The following PPFIA2 variants were observed in gnomAD, a reference collection of about 807,000 sequenced individuals.
PPFIA2 encodes the protein liprin-alpha-2.
In PPFIA2, 46 loss-of-function variants were observed where a neutral mutation model predicts 175.5. That is an observed-to-expected ratio of 0.26 (90% CI 0.21 to 0.34). The LOEUF is 0.34. Ranked by LOEUF, PPFIA2 falls within the 10% of genes least tolerant of loss-of-function variation. The pLI is 1.00. For missense variants in PPFIA2, 1,179 were observed against 1,506.1 expected, an observed-to-expected ratio of 0.78 and a Z score of 3.60; for synonymous variants, 568 against 511.4, an observed-to-expected ratio of 1.11 and a Z score of -1.49.
chr12:81,527,504 C>T (rs1237035267), intron 4 of PPFIA2, among the ~76,000 whole-genome samples: 3 of 152,092 alleles, frequency 2.0e-5, no homozygotes, highest in Admixed American at 2.0e-4. Context: ...CCTCCCCTCC[C>T]CCTACTCAAA....
rs569943861 is a variant in PPFIA2 at position 81,434,150 on chromosome 12, GAGTTAA to G, written c.645+5816_645+5821del. ...CTCAGGCAGAGCAGTAGGGGTGGTG[GAGTTAA>G]AGTAGAATCTGTAGGTTAGGAACAC... On this transcript the variant is annotated intron_variant, in intron 7 of 32. Transcript: ENST00000549396. 9.6e-4 allele frequency among the ~76,000 whole-genome samples: 146 copies of G among 152,090 alleles called. 1 individual carries two copies. Among genetic ancestry groups the G allele is most frequent in the Non-Finnish European group, 1.7e-3 (116 of 67,958 alleles).
At chr12:81,630,088 G>C (rs2063192331) in intron 4 of PPFIA2, among the ~76,000 whole-genome samples, 1 of 152,078 alleles carries the variant, frequency 6.6e-6, no homozygotes, top group East Asian at 1.9e-4. Context: ...AGGAATGCAG[G>C]GAGACTCTTG....
chr12:81,475,453 T>C (rs1256177737), intron 4 of PPFIA2, among the ~76,000 whole-genome samples: 1 of 151,596 alleles, frequency 6.6e-6, no homozygotes, highest in African/African-American at 2.4e-5. Context: ...TTATATAATG[T>C]GTTTTATAAT....
intron 7 of PPFIA2, among the ~76,000 whole-genome samples, chr12:81,436,411 A>T (rs2049046616): frequency 7.2e-6 from 1 of 138,248 alleles, no homozygotes; most frequent in African/African-American, 2.7e-5. Context: ...CTGGTTCCTG[A>T]TTATTCGGCT....
At position 81,754,216 on chromosome 12, in the gene PPFIA2, C is replaced by T; in HGVS notation, c.6G>A (p.Met2Ile). The change falls in exon 3 of 33, where the codon ATG (methionine) becomes ATA (isoleucine). Residue 2 changes from methionine to isoleucine, a missense_variant. Met to Ile is a conservative substitution (Grantham distance 10). Transcript: ENST00000549396. ...CATTAATCGTGGGCATCACTTCACACATCATTGCTTAAAGAAAGTAAGTGG... is the reference window on the plus strand; with the variant it reads ...CATTAATCGTGGGCATCACTTCACATATCATTGCTTAAAGAAAGTAAGTGG... M[M>I]CEVMPTINED... is the part of the protein sequence containing the mutation. 6.3e-7 allele frequency: 1 copy of T among 1,598,168 alleles called. No individual in the cohort carries two copies. The highest frequency in any genetic ancestry group is 2.2e-5 in the East Asian group (1 of 44,500).
chr12:81,650,739 G>A (rs2066907144), intron 4 of PPFIA2, among the ~76,000 whole-genome samples: 1 of 152,170 alleles, frequency 6.6e-6, no homozygotes, highest in Non-Finnish European at 1.5e-5. Context: ...AGAATCAAAA[G>A]AAATATTTGG....
intron 4 of PPFIA2, among the ~76,000 whole-genome samples, chr12:81,625,886 A>T (rs1053073300): frequency 6.7e-6 from 1 of 148,504 alleles, no homozygotes; most frequent in African/African-American, 2.4e-5. Flanking sequence ...TTATTTATAC[A>T]TAAGATATAG....
At chr12:81,577,188 C>T (rs763208661) in intron 4 of PPFIA2, among the ~76,000 whole-genome samples, 4 of 151,656 alleles carry the variant, frequency 2.6e-5, no homozygotes, top group Non-Finnish European at 5.9e-5. Flanking sequence ...AATAATTATC[C>T]CAAATAATGA....
At chr12:81,596,755 G>T (rs1208986682) in intron 4 of PPFIA2, among the ~76,000 whole-genome samples, 1 of 152,108 alleles carries the variant, frequency 6.6e-6, no homozygotes. Context: ...ATTCTGTACA[G>T]CAGCCCCAGG....
intron 4 of PPFIA2, among the ~76,000 whole-genome samples, chr12:81,475,862 C>T (rs1002581473): frequency 3.3e-5 from 5 of 152,118 alleles, no homozygotes; most frequent in African/African-American, 1.2e-4. Context: ...CAGGTGCCCG[C>T]CACCAAGGCC....
chr12:81,650,584 ATTTAGGGAGGTAAAACTAGATTAG>A (rs1181090917), intron 4 of PPFIA2, among the ~76,000 whole-genome samples: 1 of 152,198 alleles, frequency 6.6e-6, no homozygotes, highest in African/African-American at 2.4e-5. Flanking sequence ...TAAATGTATA[ATTTAGGGAGGTAAAACTAGATTAG>A]TTTAGGGAGG....
intron 4 of PPFIA2, among the ~76,000 whole-genome samples, chr12:81,668,854 A>G (rs1446636138): frequency 6.6e-6 from 1 of 152,036 alleles, no homozygotes; most frequent in African/African-American, 2.4e-5. Context: ...TGGAAACCTC[A>G]TTTCACATTT....
chr12:81,583,864 C>T (rs2074788724), intron 4 of PPFIA2, among the ~76,000 whole-genome samples: 1 of 151,834 alleles, frequency 6.6e-6, no homozygotes, highest in African/African-American at 2.4e-5. Context: ...GTTCATGGCC[C>T]ATTGGCCAGC....
At chr12:81,374,380 T>A (rs1422244907) in intron 11 of PPFIA2, among the ~76,000 whole-genome samples, 3 of 152,266 alleles carry the variant, frequency 2.0e-5, no homozygotes, top group Middle Eastern at 6.8e-3. Flanking sequence ...GAAAATTAAC[T>A]ATAACAATGA....
chr12:81,410,597 T>C (rs2043760487), intron 7 of PPFIA2, among the ~76,000 whole-genome samples: 1 of 152,070 alleles, frequency 6.6e-6, no homozygotes, highest in Non-Finnish European at 1.5e-5. Context: ...AAGTGTCTGT[T>C]GACATTTGCT....
rs575087408 is a variant in PPFIA2, at chr12:81,434,475, G to A, written c.645+5497C>T. Among the ~76,000 whole-genome samples the A allele has an allele frequency of 3.5e-4, 54 of 152,118 alleles. 1 individual carries two copies. Among genetic ancestry groups the A allele is most frequent in the African/African-American group, 1.2e-3 (51 of 41,528 alleles). On this transcript the variant is annotated intron_variant, in intron 7 of 32. Coordinates refer to ENST00000549396, the MANE Select transcript of PPFIA2 (RefSeq NM_003625.5). ...AGAATGCATGAAGACCTGAAATATT[G>A]TAATTTTAATACATATGGAAAAAGA...
chr12:81,483,597 T>C (rs930696334), intron 4 of PPFIA2, among the ~76,000 whole-genome samples: 7 of 152,100 alleles, frequency 4.6e-5, no homozygotes, highest in African/African-American at 1.4e-4. Context: ...TAAAGTTAGA[T>C]GGTGGTGAAG....
intron 4 of PPFIA2, among the ~76,000 whole-genome samples, chr12:81,648,549 G>C (rs116875575): frequency 0.011 from 1,708 of 151,604 alleles, 11 homozygotes; most frequent in Non-Finnish European, 0.019. Context: ...TTAAATATGG[G>C]TAAGATATCA....
intron 4 of PPFIA2, among the ~76,000 whole-genome samples, chr12:81,554,468 C>A (rs2068490823): frequency 6.6e-6 from 1 of 151,940 alleles, no homozygotes; most frequent in South Asian, 2.1e-4. Flanking sequence ...TTCTCTGTAC[C>A]ATGGCTTCTT....
Sources: gnomAD v4.1 joint callset for allele counts (sites outside exome capture counted in the v4.1 genomes callset) on GRCh38, gnomAD v4.1.1 for gene constraint, MANE v1.5 for transcripts, NCBI Gene and HGNC (gene_info 2026-07-23, HGNC 2026-07-21) for gene names.